MARK2: variants seen among roughly 807,000 people sequenced by gnomAD.
MARK2 encodes the protein microtubule affinity regulating kinase 2.
MARK2 carries 16 observed loss-of-function variants against 89.8 expected under a neutral mutation model. The ratio of observed to expected loss-of-function variants is 0.18; its 90% CI spans 0.12 to 0.27. The LOEUF (loss-of-function observed/expected upper bound fraction) is 0.27, where lower values mean the gene tolerates loss of function less well. Among genes scored for constraint, MARK2 ranks in the 10% least tolerant of loss-of-function variants. The pLI is 1.00. For missense variants in MARK2, 621 were observed against 1,049.9 expected (o/e 0.59, Z 5.65); for synonymous variants, 382 against 399.5 (o/e 0.96, Z 0.52).
intron 1 of MARK2, among the ~76,000 whole-genome samples, chr11:63,847,713 C>A (rs541741079): frequency 2.0e-4 from 30 of 152,350 alleles, no homozygotes; most frequent in Non-Finnish European, 3.4e-4. Context: ...CCACCCTATG[C>A]TGAACCTGAA....
At chr11:63,862,152 G>A (rs982392869) in intron 1 of MARK2, among the ~76,000 whole-genome samples, 1 of 151,096 alleles carries the variant, frequency 6.6e-6, no homozygotes, top group African/African-American at 2.4e-5. Context: ...CTCAAACTCC[G>A]GACATCAGGT....
At chr11:63,895,361 TG>T in intron 2 of MARK2, 23 bp downstream of exon 2, 1 of 1,606,928 alleles carries the variant, frequency 6.2e-7, no homozygotes, top group Admixed American at 1.7e-5. Flanking sequence ...ACTGGGGACA[TG>T]GCAGCACCTC....
rs761648311 is a variant in MARK2 at position 63,910,651 on chromosome 11, TA to T, written c.*1415del. 3.7e-5 allele frequency: 1 copy of T among 26,982 alleles called. No individual in the cohort carries two copies. The highest frequency in any genetic ancestry group is 8.0e-5 in the African/African-American group (1 of 12,474). The allele number at this position is 26,982 out of a possible 1,614,324, so 1.7% of individuals were successfully genotyped here. On this transcript the variant is annotated 3_prime_UTR_variant, in exon 19 of 19. Coordinates refer to ENST00000402010, the MANE Select transcript of MARK2 (RefSeq NM_001039469.3). ...GGTTTTATTTTTTATTATTTTATTT[TA>T]TTTTTTTTTTTTTTGATTTATGATG...
intron 1 of MARK2, among the ~76,000 whole-genome samples, chr11:63,855,240 C>T (rs2016780385): frequency 6.6e-6 from 1 of 152,088 alleles, no homozygotes; most frequent in Non-Finnish European, 1.5e-5. Flanking sequence ...AGGACGAGGC[C>T]AGGCATGGTG....
intron 1 of MARK2, chr11:63,869,255 C>T (rs1332882242): frequency 1.3e-5 from 2 of 157,274 alleles, no homozygotes; most frequent in African/African-American, 5.0e-5. Context: ...GAAACTGCTG[C>T]TTGCTAGGCT....
At position 63,902,725 on chromosome 11, in the gene MARK2, G is replaced by A. The variant is rs771109734; in HGVS notation, c.1359G>A (p.Val453=). ...SGRKASSTAK[V]PASPLPGLER... ...GGAAAGCCAGCAGCACAGCCAAGGT[G>A]CCTGCCAGCCCCCTGCCCGGTCTGG... Residue 453 remains valine, a synonymous_variant, in exon 13 of 19, where the codon GTG becomes GTA. Coordinates refer to ENST00000402010, the MANE Select transcript of MARK2 (RefSeq NM_001039469.3). The surrounding 1 kb of genome is among the most constrained non-coding windows in gnomAD (Gnocchi z 4.2). 3 of 1,614,006 alleles carry A rather than the reference G, an allele frequency of 1.9e-6. No individual in the cohort carries two copies. Among genetic ancestry groups the A allele is most frequent in the South Asian group, 1.1e-5 (1 of 91,084 alleles).
intron 1 of MARK2, among the ~76,000 whole-genome samples, chr11:63,875,861 C>A (rs193042742): frequency 2.6e-4 from 40 of 152,324 alleles, no homozygotes; most frequent in Admixed American, 1.6e-3. Context: ...CCATCACTTC[C>A]CTCCCCATAC....
At chr11:63,868,113 T>G (rs1206154785) in intron 1 of MARK2, among the ~76,000 whole-genome samples, 1 of 152,154 alleles carries the variant, frequency 6.6e-6, no homozygotes, top group Non-Finnish European at 1.5e-5. Context: ...AACATGAGGC[T>G]GGGTGTGGTT....
chr11:63,862,482 A>T (rs1419078585), intron 1 of MARK2, among the ~76,000 whole-genome samples: 1 of 152,114 alleles, frequency 6.6e-6, no homozygotes, highest in Non-Finnish European at 1.5e-5. Context: ...TAGAGTCACA[A>T]ATGGCCTCCT....
intron 1 of MARK2, among the ~76,000 whole-genome samples, chr11:63,863,819 C>T (rs1054688213): frequency 1.3e-5 from 2 of 152,006 alleles, no homozygotes; most frequent in Non-Finnish European, 2.9e-5. Context: ...GTCACCCAAG[C>T]TGGAGTGTAG....
chr11:63,842,065 T>C (rs889747173), intron 1 of MARK2, among the ~76,000 whole-genome samples: 1 of 152,206 alleles, frequency 6.6e-6, no homozygotes, highest in African/African-American at 2.4e-5. Flanking sequence ...CTACTCTTTA[T>C]GGACTTAGAT....
intron 1 of MARK2, among the ~76,000 whole-genome samples, chr11:63,869,893 T>G (rs1421934490): frequency 6.6e-6 from 1 of 152,044 alleles, no homozygotes; most frequent in East Asian, 1.9e-4. Flanking sequence ...ACAGAGGCAC[T>G]GAGGGCTGTC....
chr11:63,909,323 G>C lies in MARK2; in HGVS notation c.*86G>C. The C allele has an allele frequency of 7.3e-7, 1 of 1,371,842 alleles. No homozygotes were observed. The highest frequency in any genetic ancestry group is 9.7e-7 in the Non-Finnish European group (1 of 1,030,774). 85.0% of individuals were successfully genotyped at this position (1,371,842 alleles called of 1,614,324 possible). On this transcript the variant is annotated 3_prime_UTR_variant, in exon 19 of 19. Transcript: ENST00000402010. ...GCCGCCCCACCTGGGCGAGACTGCA[G>C]CGATGGATTGGTGTGTCTCCCCTGC...
rs1448110138 is a variant in MARK2 at position 63,903,725 on chromosome 11, GC to G, written c.1515-260del. On this transcript the variant is annotated intron_variant, in intron 14 of 18. Transcript: ENST00000402010. This position sits in a 1 kb window ranked among gnomAD's most constrained non-coding sequence, Gnocchi z 5.1. ...AGGAGGCCAGTGCAGCCTGGAGGCAGCGGCCCCTTGTCTGCTCTCCTTCATT... is the reference window on the plus strand; with the variant it reads ...AGGAGGCCAGTGCAGCCTGGAGGCAGGGCCCCTTGTCTGCTCTCCTTCATT... Among the ~76,000 whole-genome samples the G allele has an allele frequency of 6.6e-6, 1 of 152,184 alleles. No homozygotes were observed. The highest frequency in any genetic ancestry group is 2.4e-5 in the African/African-American group (1 of 41,442).
chr11:63,863,419 G>C (rs373796160), intron 1 of MARK2, among the ~76,000 whole-genome samples: 7 of 151,858 alleles, frequency 4.6e-5, no homozygotes, highest in African/African-American at 1.5e-4. Flanking sequence ...CATGGGGTGA[G>C]AGTAAAGGGG....
At chr11:63,865,852 C>G in intron 1 of MARK2, among the ~76,000 whole-genome samples, 1 of 151,998 alleles carries the variant, frequency 6.6e-6, no homozygotes, top group East Asian at 1.9e-4. Context: ...GTAGGGATTT[C>G]CCTTTATTAA....
chr11:63,905,127 G>T, intron 16 of MARK2, 84 bp downstream of exon 16: 1 of 1,426,674 alleles, frequency 7.0e-7, no homozygotes. Context: ...TGGGGGTTGG[G>T]GTTTGGGACA....
intron 1 of MARK2, among the ~76,000 whole-genome samples, chr11:63,854,678 T>C (rs927616871): frequency 1.3e-5 from 2 of 151,494 alleles, no homozygotes; most frequent in African/African-American, 2.4e-5. Flanking sequence ...CTACTAAAAA[T>C]ACAAAAATTA....
intron 1 of MARK2, among the ~76,000 whole-genome samples, chr11:63,862,878 C>G (rs1368649577): frequency 6.6e-6 from 1 of 152,076 alleles, no homozygotes; most frequent in Non-Finnish European, 1.5e-5. Context: ...AAAAAAAACC[C>G]CACTAAACAT....
Sources: allele counts gnomAD v4.1 joint callset (sites outside exome capture counted in the v4.1 genomes callset), GRCh38; gene constraint gnomAD v4.1.1; non-coding constraint Gnocchi (gnomAD v3.1); transcripts MANE v1.5; gene names NCBI Gene and HGNC (gene_info 2026-07-23, HGNC 2026-07-21).